Variants in GRB10 observed in about 807,000 individuals in gnomAD.
GRB10 encodes growth factor receptor bound protein 10, also known as growth factor receptor-bound protein 10.
A neutral mutation model predicts 80.9 loss-of-function variants in GRB10; 20 were observed. The ratio of observed to expected loss-of-function variants is 0.25; its 90% CI spans 0.17 to 0.36. The LOEUF (loss-of-function observed/expected upper bound fraction) is 0.36, where lower values mean the gene tolerates loss of function less well. Ranked by LOEUF, GRB10 falls within the 10% of genes least tolerant of loss-of-function variation. The pLI is 1.00. For missense variants in GRB10, 548 were observed against 747.7 expected (o/e 0.73, Z 3.12); for synonymous variants, 291 against 291.5 (o/e 1.00, Z 0.02).
At chr7:50,612,228 G>A (rs931559027) in intron 13 of GRB10, among the ~76,000 whole-genome samples, 4 of 152,088 alleles carry the variant, frequency 2.6e-5, no homozygotes, top group South Asian at 2.1e-4. Flanking sequence ...TGGTTCAGTC[G>A]TGAAAATAAT....
chr7:50,606,563 C>T, intron 13 of GRB10, 149 bp from the exon 14 acceptor site: 1 of 701,024 alleles, frequency 1.4e-6, no homozygotes, highest in Non-Finnish European at 2.6e-6. Context: ...GCCGCTGACC[C>T]TGATCAACAC....
chr7:50,737,588 C>T (rs1159659580), intron 3 of GRB10, among the ~76,000 whole-genome samples: 1 of 152,254 alleles, frequency 6.6e-6, no homozygotes, highest in East Asian at 1.9e-4. Context: ...GTGGCTCACA[C>T]CTGTAATCCC....
chr7:50,593,473 A>C (rs9791887), intron 18 of GRB10, among the ~76,000 whole-genome samples: 48,470 of 152,050 alleles, frequency 0.32, 9,208 homozygotes, highest in East Asian at 0.44. Flanking sequence ...AGAAGACTGC[A>C]CAAACCTGGG....
At chr7:50,746,229 T>C (rs962916430) in intron 3 of GRB10, among the ~76,000 whole-genome samples, 1 of 152,202 alleles carries the variant, frequency 6.6e-6, no homozygotes, top group African/African-American at 2.4e-5. Flanking sequence ...CAACTTACCA[T>C]TGGGTTATAG....
At chr7:50,783,600 G>A (rs141947609), upstream of GRB10, among the ~76,000 whole-genome samples, 6 of 151,894 alleles carry the variant, frequency 4.0e-5, no homozygotes, top group Non-Finnish European at 5.9e-5. Flanking sequence ...TGCAATGATG[G>A]AAGCAAAACA....
At chr7:50,665,152 T>A (rs1214502556) in intron 7 of GRB10, among the ~76,000 whole-genome samples, 1 of 152,192 alleles carries the variant, frequency 6.6e-6, no homozygotes, top group Non-Finnish European at 1.5e-5. Context: ...TGTAAAACCA[T>A]ACATCACGGT....
intron 3 of GRB10, among the ~76,000 whole-genome samples, chr7:50,738,952 CATTAT>C (rs2071271035): frequency 6.6e-6 from 1 of 151,970 alleles, no homozygotes; most frequent in Non-Finnish European, 1.5e-5. Flanking sequence ...GCAAGATTAT[CATTAT>C]AAATAATATA....
intron 7 of GRB10, among the ~76,000 whole-genome samples, chr7:50,662,120 T>C (rs2059340660): frequency 6.6e-6 from 1 of 152,150 alleles, no homozygotes; most frequent in Non-Finnish European, 1.5e-5. Flanking sequence ...TGTTGTGGAG[T>C]TGGAGTCTGG....
At chr7:50,722,222 C>T (rs1465919098) in intron 4 of GRB10, among the ~76,000 whole-genome samples, 1 of 152,158 alleles carries the variant, frequency 6.6e-6, no homozygotes, top group Non-Finnish European at 1.5e-5. Flanking sequence ...GCCCTGCCCA[C>T]TCTCATGCCC....
intron 7 of GRB10, among the ~76,000 whole-genome samples, chr7:50,632,536 G>C (rs1172099814): frequency 6.6e-6 from 1 of 152,204 alleles, no homozygotes; most frequent in Admixed American, 6.5e-5. Context: ...TGGCATGGGA[G>C]CCGGGTGCCC....
chr7:50,595,602 T>TAC (rs59746858), intron 17 of GRB10, 72 bp from the exon 18 acceptor site: 41,921 of 558,500 alleles, frequency 0.075, 1,141 homozygotes, highest in African/African-American at 0.21. Flanking sequence ...CACACTCTCT[T>TAC]ACACACACAC....
chr7:50,604,113 G>A (rs1317980382), intron 16 of GRB10, 28 bp from the exon 17 acceptor site: 1 of 1,571,594 alleles, frequency 6.4e-7, no homozygotes, highest in Non-Finnish European at 8.8e-7. Context: ...GAGGAGGGTA[G>A]GATGGTGGTG....
In GRB10 at chr7:50,611,711, G is replaced by C. The variant is rs557592101; in HGVS notation, c.1194+1030C>G. 2.0e-5 allele frequency among the ~76,000 whole-genome samples: 3 copies of C among 152,310 alleles called. No individual in the cohort carries two copies. The South Asian group carries it at 6.2e-4, about 32-fold the overall frequency. On this transcript the variant is annotated intron_variant, in intron 13 of 18. Coordinates refer to ENST00000401949, the MANE Select transcript of GRB10 (RefSeq NM_001350814.2). ...AGAATTGGATCTGCAGCACCTCCAG[G>C]AAAGTTTTGAGCTATGCTTCCTTCA...
intron 7 of GRB10, among the ~76,000 whole-genome samples, chr7:50,666,026 T>G (rs1360691667): frequency 1.3e-5 from 2 of 152,162 alleles, no homozygotes; most frequent in Non-Finnish European, 2.9e-5. Context: ...GGTGCAGTCA[T>G]CGTGGAAGAA....
At chr7:50,602,841 C>T (rs2047850083) in intron 17 of GRB10, among the ~76,000 whole-genome samples, 2 of 151,790 alleles carry the variant, frequency 1.3e-5, no homozygotes, top group Admixed American at 6.6e-5. Context: ...TTTTTAGAGA[C>T]AGGCATTGAG....
chr7:50,719,720 C>T (rs2153683922), intron 4 of GRB10, among the ~76,000 whole-genome samples: 1 of 152,256 alleles, frequency 6.6e-6, no homozygotes, highest in South Asian at 2.1e-4. Context: ...GAGTAACCAT[C>T]TTTAACAATT....
chr7:50,689,569 G>T (rs1360237221), intron 5 of GRB10, among the ~76,000 whole-genome samples: 1 of 152,018 alleles, frequency 6.6e-6, no homozygotes, highest in African/African-American at 2.4e-5. Flanking sequence ...GGGCGCCCTC[G>T]AACACCAAGC....
At chr7:50,741,473 C>T (rs1296460878) in intron 3 of GRB10, among the ~76,000 whole-genome samples, 2 of 149,126 alleles carry the variant, frequency 1.3e-5, no homozygotes, top group African/African-American at 2.5e-5. Flanking sequence ...AGCACTGAGA[C>T]AGGGACCGTA....
At chr7:50,701,064 C>T (rs1055064914) in intron 5 of GRB10, among the ~76,000 whole-genome samples, 3 of 151,764 alleles carry the variant, frequency 2.0e-5, no homozygotes, top group African/African-American at 2.4e-5. Context: ...TTTTTTCTTC[C>T]GTTTTCTACT....
Sources: gnomAD v4.1 joint callset for allele counts (sites outside exome capture counted in the v4.1 genomes callset) on GRCh38, gnomAD v4.1.1 for gene constraint, MANE v1.5 for transcripts, NCBI Gene and HGNC (gene_info 2026-07-23, HGNC 2026-07-21) for gene names.